Variants in MBOAT2 observed in about 807,000 individuals in gnomAD.
The protein encoded by MBOAT2 is membrane-bound glycerophospholipid O-acyltransferase 2.
Under a neutral mutation model 63.4 loss-of-function variants are expected in MBOAT2, and 28 were observed. That is an observed-to-expected ratio of 0.44 (90% CI 0.33 to 0.61). The LOEUF is 0.61. Among genes scored for constraint, MBOAT2 ranks in the 20% least tolerant of loss-of-function variants. The pLI is 0.03. For missense variants in MBOAT2, 470 were observed against 605.8 expected, an observed-to-expected ratio of 0.78 and a Z score of 2.35; for synonymous variants, 211 against 215.6, an observed-to-expected ratio of 0.98 and a Z score of 0.19.
At chr2:8,950,847 G>T (rs187210578) in intron 2 of MBOAT2, among the ~76,000 whole-genome samples, 190 of 152,174 alleles carry the variant, frequency 1.2e-3, no homozygotes, top group African/African-American at 4.0e-3. Context: ...TTTTTATCAT[G>T]ACAGGATGTT....
chr2:8,891,769 G>A (rs906335263), intron 4 of MBOAT2, among the ~76,000 whole-genome samples: 6 of 152,200 alleles, frequency 3.9e-5, no homozygotes, highest in African/African-American at 1.4e-4. Flanking sequence ...GAGGCAGAAG[G>A]CTTTGGAACT....
chr2:8,964,703 TTTA>T (rs1246548101), intron 1 of MBOAT2, among the ~76,000 whole-genome samples: 1 of 152,236 alleles, frequency 6.6e-6, no homozygotes, highest in East Asian at 1.9e-4. Context: ...CTCCTAATTA[TTTA>T]TCAGCAATGT....
intron 2 of MBOAT2, among the ~76,000 whole-genome samples, chr2:8,946,419 T>G (rs952708364): frequency 2.6e-5 from 4 of 152,168 alleles, no homozygotes; most frequent in Non-Finnish European, 5.9e-5. Flanking sequence ...GATGATTGTT[T>G]TAAAAGAAAA....
chr2:8,989,342 T>C (rs1671772031), intron 1 of MBOAT2, among the ~76,000 whole-genome samples: 2 of 152,212 alleles, frequency 1.3e-5, no homozygotes, highest in African/African-American at 4.8e-5. Flanking sequence ...ATGGGTTCTA[T>C]CATTGGCTCA....
intron 4 of MBOAT2, chr2:8,908,355 GGAAACTCA>G: frequency 3.3e-6 from 1 of 303,658 alleles, no homozygotes; most frequent in Non-Finnish European, 6.1e-6. Flanking sequence ...GCCTTCTCTA[GGAAACTCA>G]GACTGACCTA....
At position 8,868,747 on chromosome 2, in the gene MBOAT2, G is replaced by C. The variant is rs191390291; in HGVS notation, c.884-198C>G. The stretch of plus-strand genomic sequence containing the variant: ...AATTTGGTTAGTCAGTAATACATGA[G>C]ACATCATGCATGAGTTGGGGGCGGG... On this transcript the variant is annotated intron_variant, in intron 8 of 12. Transcript: ENST00000305997. Among the ~76,000 whole-genome samples, 3 of 152,242 alleles carry C rather than the reference G, an allele frequency of 2.0e-5. No individual in the cohort carries two copies. The East Asian group carries it at 5.8e-4, about 29-fold the overall frequency.
chr2:8,891,916 TG>T (rs1243218845), intron 4 of MBOAT2, among the ~76,000 whole-genome samples: 1 of 152,224 alleles, frequency 6.6e-6, no homozygotes, highest in Non-Finnish European at 1.5e-5. Flanking sequence ...GAAATATAAC[TG>T]TCCAAAGTAA....
intron 3 of MBOAT2, among the ~76,000 whole-genome samples, chr2:8,912,413 A>AAGAAAGAAAGAAAGAAAGAC (rs1274023844): frequency 3.1e-4 from 42 of 136,850 alleles, no homozygotes; most frequent in African/African-American, 9.5e-4. Flanking sequence ...GAAAGAAAGA[A>AAGAAAGAAAGAAAGAAAGAC]AGACAGGCCG....
intron 1 of MBOAT2, among the ~76,000 whole-genome samples, chr2:9,002,245 T>C (rs1672745239): frequency 6.6e-6 from 1 of 152,238 alleles, no homozygotes; most frequent in African/African-American, 2.4e-5. Context: ...ATAGGTACTT[T>C]ACTATTAACC....
rs958750394 is a variant in MBOAT2 at position 8,991,056 on chromosome 2, G to A, written c.75+12484C>T. On this transcript the variant is annotated intron_variant, in intron 1 of 12. Transcript: ENST00000305997. ...GCTATTCTTGGGATATAGGTAATAA[G>A]AACAGCTGTGTCAGTCCTAGTATTA... 2.6e-5 allele frequency among the ~76,000 whole-genome samples: 4 copies of A among 152,204 alleles called. No individual in the cohort carries two copies. In the East Asian group the frequency reaches 7.7e-4, roughly 29 times the overall value.
intron 5 of MBOAT2, among the ~76,000 whole-genome samples, chr2:8,882,829 A>C (rs1663240782): frequency 1.3e-5 from 2 of 152,210 alleles, no homozygotes; most frequent in South Asian, 4.1e-4. Context: ...CACTTTAAAA[A>C]TTATAATGTT....
chr2:8,895,226 A>T (rs975038034), intron 4 of MBOAT2, among the ~76,000 whole-genome samples: 2 of 152,112 alleles, frequency 1.3e-5, no homozygotes, highest in African/African-American at 4.8e-5. Flanking sequence ...TGATTGGTCA[A>T]TTTTACAGAG....
chr2:8,888,209 G>T, intron 4 of MBOAT2, 136 bp from the exon 5 acceptor site: 2 of 731,952 alleles, frequency 2.7e-6, no homozygotes, highest in Non-Finnish European at 4.5e-6. Flanking sequence ...ACCTCCAAGG[G>T]ATTTCAGCAA....
chr2:8,865,954 T>A (rs912431297), intron 9 of MBOAT2, among the ~76,000 whole-genome samples: 3 of 152,250 alleles, frequency 2.0e-5, no homozygotes, highest in East Asian at 1.9e-4. Flanking sequence ...GGAGAATCGC[T>A]TGAACCCGGG....
At chr2:8,984,228 CA>C (rs1420799060) in intron 1 of MBOAT2, among the ~76,000 whole-genome samples, 1 of 152,002 alleles carries the variant, frequency 6.6e-6, no homozygotes, top group African/African-American at 2.4e-5. Context: ...AACAAAAGGC[CA>C]GGGGTTGGGG....
At chr2:8,888,808 G>A (rs1002679122) in intron 4 of MBOAT2, among the ~76,000 whole-genome samples, 27 of 152,036 alleles carry the variant, frequency 1.8e-4, no homozygotes, top group African/African-American at 6.0e-4. Flanking sequence ...CGGGAGAATC[G>A]CTTGAGCCCA....
In MBOAT2 at chr2:8,862,465, T is replaced by C. The variant is rs958650258; in HGVS notation, c.1185+125A>G. On this transcript the variant is annotated intron_variant, in intron 11 of 12. Coordinates refer to ENST00000305997, the MANE Select transcript of MBOAT2 (RefSeq NM_138799.4). This position sits in a 1 kb window ranked among gnomAD's most constrained non-coding sequence, Gnocchi z 4.3. ...ATGCACGCAGTACACACCTCGCTTC[T>C]AGTGGAAAGGACAATACTGACCACG... 14 of 1,356,714 alleles carry C rather than the reference T, an allele frequency of 1.0e-5. No individual in the cohort carries two copies. Among genetic ancestry groups the C allele is most frequent in the East Asian group, 2.3e-5 (1 of 43,202 alleles). The allele number at this position is 1,356,714 out of a possible 1,614,324, so 84.0% of individuals were successfully genotyped here.
intron 12 of MBOAT2, among the ~76,000 whole-genome samples, 189 bp from the exon 13 acceptor site, chr2:8,859,093 T>G (rs1475748702): frequency 1.3e-5 from 2 of 152,216 alleles, no homozygotes; most frequent in African/African-American, 4.8e-5. Context: ...TTTATAGCAC[T>G]GGATAAATCC....
intron 4 of MBOAT2, among the ~76,000 whole-genome samples, chr2:8,900,201 C>G (rs1402670498): frequency 1.3e-5 from 2 of 152,130 alleles, no homozygotes; most frequent in African/African-American, 4.8e-5. Context: ...GAGTTGAGGT[C>G]CCAGTGGAGA....
Sources: allele counts gnomAD v4.1 joint callset (sites outside exome capture counted in the v4.1 genomes callset), GRCh38; gene constraint gnomAD v4.1.1; non-coding constraint Gnocchi (gnomAD v3.1); transcripts MANE v1.5; gene names NCBI Gene and HGNC (gene_info 2026-07-23, HGNC 2026-07-21).